PNO1: variants seen among roughly 807,000 people sequenced by gnomAD.
The protein encoded by PNO1 is RNA-binding protein PNO1.
A neutral mutation model predicts 28.4 loss-of-function variants in PNO1; 16 were observed. That is an observed-to-expected ratio of 0.56 (90% confidence interval 0.38 to 0.85). The LOEUF is 0.85. Ranked by LOEUF, PNO1 falls within the 40% of genes least tolerant of loss-of-function variation. PNO1 has a pLI of 0.00. For missense variants in PNO1, 304 were observed against 312.2 expected (o/e 0.97, Z 0.20); for synonymous variants, 115 against 110.8 (o/e 1.04, Z -0.24).
At chr2:68,161,838 AT>A in intron 3 of PNO1, 72 bp downstream of exon 3, 1 of 1,020,002 alleles carries the variant, frequency 9.8e-7, no homozygotes, top group African/African-American at 1.6e-5. Context: ...TGGATTAGGC[AT>A]TAAAAAAAAA....
At position 68,175,025 on chromosome 2, in the gene PNO1, A is replaced by T. The variant is rs1674238949; in HGVS notation, c.*223A>T. On this transcript the variant is annotated 3_prime_UTR_variant, in exon 7 of 7. Coordinates refer to ENST00000263657, the MANE Select transcript of PNO1 (RefSeq NM_020143.4). ...TCAAAAATTGATTGTTATACTTAAC[A>T]CATTAGGTATAATTTATCATTTATC... is the stretch of plus-strand genomic sequence containing the variant. 2 of 431,930 alleles carry T rather than the reference A, an allele frequency of 4.6e-6. No individual in the cohort carries two copies. The highest frequency in any genetic ancestry group is 9.1e-5 in the South Asian group (2 of 21,910). The allele number at this position is 431,930 out of a possible 1,614,324, so 26.8% of individuals were successfully genotyped here. A position where few individuals can be genotyped will look rare whatever the true frequency, so the allele number is the denominator to read the frequency against.
Position 68,158,149 on chromosome 2 carries a change from G to T in PNO1, c.207+8G>T. 1 of 1,587,764 alleles carries T rather than the reference G, an allele frequency of 6.3e-7. No homozygotes were observed. Among genetic ancestry groups the T allele is most frequent in the Non-Finnish European group, 8.6e-7 (1 of 1,166,542 alleles). On this transcript the variant is annotated splice_region_variant and intron_variant, in intron 1 of 6. Transcript: ENST00000263657. ...TGTGGGGACGGGCTCCTGGTATGTG[G>T]CTGGGACCCTAGGACAGCAACGAGG...
chr2:68,158,560 A>C (rs758513394), intron 2 of PNO1, 31 bp downstream of exon 2: 3 of 1,590,308 alleles, frequency 1.9e-6, no homozygotes, highest in South Asian at 2.3e-5. Context: ...TTCCCAATAC[A>C]CCAGGCTTTC....
Position 68,162,307 on chromosome 2 carries a change from T to G in PNO1, c.484T>G (p.Ser162Ala), listed in dbSNP as rs754216942. 3.7e-6 allele frequency: 6 copies of G among 1,612,550 alleles called. No individual in the cohort carries two copies. The highest frequency in any genetic ancestry group is 5.1e-6 in the Non-Finnish European group (6 of 1,178,944). ...CAGGTTGGATGACCTCTTCCTAGAG[T>G]CTTTTGAAATTACAGATGGTGAGTG... ...LIRLDDLFLE[S>A]FEITDVKPLK... Residue 162 changes from serine (S) to alanine (A), a missense_variant, in exon 4 of 7, where the codon TCT becomes GCT. By Grantham distance (99) the Ser-to-Ala change is moderately conservative. Coordinates refer to ENST00000263657, the MANE Select transcript of PNO1 (RefSeq NM_020143.4).
intron 5 of PNO1, 178 bp from the exon 6 acceptor site, chr2:68,173,169 C>T: frequency 5.4e-6 from 2 of 368,562 alleles, no homozygotes; most frequent in South Asian, 5.4e-5. Context: ...GCACGTGCTA[C>T]TACACCCAGC....
At chr2:68,173,975 G>A (rs974137261) in intron 6 of PNO1, among the ~76,000 whole-genome samples, 2 of 152,204 alleles carry the variant, frequency 1.3e-5, no homozygotes, top group African/African-American at 4.8e-5. Context: ...CTGCCTTCTT[G>A]ATAAGGTGCA....
At position 68,175,570 on chromosome 2, in the gene PNO1, G is replaced by GAAT. The variant is rs746161004; in HGVS notation, c.*770_*772dup. Reference sequence around the variant, plus strand: ...GCCACTGCGCCTGGCCTTGATGTGTGAATATTTGAGAGGTCATAAGCAGTG... The same window carrying GAAT: ...GCCACTGCGCCTGGCCTTGATGTGTGAATAATATTTGAGAGGTCATAAGCAGTG... On this transcript the variant is annotated 3_prime_UTR_variant, in exon 7 of 7. Coordinates refer to ENST00000263657, the MANE Select transcript of PNO1 (RefSeq NM_020143.4). 6 of 152,148 alleles carry GAAT rather than the reference G, an allele frequency of 3.9e-5. No homozygotes were observed. Among genetic ancestry groups the GAAT allele is most frequent in the Non-Finnish European group, 7.3e-5 (5 of 68,054 alleles). The allele number at this position is 152,148 out of a possible 1,614,324, so 9.4% of individuals were successfully genotyped here. A position where few individuals can be genotyped will look rare whatever the true frequency, so the allele number is the denominator to read the frequency against.
Position 68,165,389 on chromosome 2 carries a change from A to AAC in PNO1, c.620+2727_620+2728insCA, listed in dbSNP as rs1673962816. On this transcript the variant is annotated intron_variant, in intron 5 of 6. Coordinates refer to ENST00000263657, the MANE Select transcript of PNO1 (RefSeq NM_020143.4). ...AAAAAAAAAAAAAAAACAACAAAAA[A>AAC]AAAAAAACTAGCTGGGTGTGGTGGC... 1.5e-5 allele frequency among the ~76,000 whole-genome samples: 2 copies of AAC among 133,276 alleles called. 1 individual carries two copies. The highest frequency in any genetic ancestry group is 5.7e-5 in the African/African-American group (2 of 35,002). The allele number at this position is 133,276 out of a possible 152,430, so 87.4% of individuals were successfully genotyped here. A position where few individuals can be genotyped will look rare whatever the true frequency, so the allele number is the denominator to read the frequency against.
chr2:68,171,935 A>C (rs1440651211), intron 5 of PNO1, among the ~76,000 whole-genome samples: 1 of 152,056 alleles, frequency 6.6e-6, no homozygotes, highest in Non-Finnish European at 1.5e-5. Flanking sequence ...GAGTGGAATG[A>C]CAGAAAGTGG....
chr2:68,160,374 G>A (rs908566683), intron 2 of PNO1, among the ~76,000 whole-genome samples: 7 of 152,132 alleles, frequency 4.6e-5, no homozygotes, highest in African/African-American at 1.7e-4. Context: ...CTTTTTGGTG[G>A]CTTTGGCCTT....
intron 4 of PNO1, 68 bp from the exon 5 acceptor site, chr2:68,162,477 TA>T: frequency 8.4e-7 from 1 of 1,197,604 alleles, no homozygotes; most frequent in East Asian, 2.3e-5. Context: ...AGTTTATGAT[TA>T]AACTTTATGT....
intron 2 of PNO1, among the ~76,000 whole-genome samples, chr2:68,158,932 A>G (rs2103662735): frequency 6.6e-6 from 1 of 152,384 alleles, no homozygotes; most frequent in South Asian, 2.1e-4. Flanking sequence ...CAGATGACTT[A>G]GTCCTTGTGC....
At position 68,158,135 on chromosome 2, in the gene PNO1, G is replaced by C; in HGVS notation, c.201G>C (p.Gly67=). The C allele has an allele frequency of 1.9e-6, 3 of 1,598,234 alleles. No individual in the cohort carries two copies. Among genetic ancestry groups the C allele is most frequent in the Non-Finnish European group, 2.6e-6 (3 of 1,171,994 alleles). Residue 67 remains glycine, a synonymous_variant, in exon 1 of 7, where the codon GGG becomes GGC. Transcript: ENST00000263657. The part of the protein sequence containing the change: ...RPVFPPLCGD[G]LLSGKEETRK... ...TCTTCCCACCCCTCTGTGGGGACGG[G>C]CTCCTGGTATGTGGCTGGGACCCTA...
At chr2:68,168,785 C>A (rs965191366) in intron 5 of PNO1, among the ~76,000 whole-genome samples, 8 of 152,060 alleles carry the variant, frequency 5.3e-5, no homozygotes, top group Non-Finnish European at 7.4e-5. Context: ...GCTGTTATAG[C>A]TGCAGTGACA....
intron 2 of PNO1, among the ~76,000 whole-genome samples, chr2:68,161,024 C>T (rs115176565): frequency 0.017 from 2,616 of 152,264 alleles, 45 homozygotes; most frequent in South Asian, 0.056. Context: ...TCCTCACATA[C>T]GAAGGTAGTC....
chr2:68,165,902 T>G (rs1246733043), intron 5 of PNO1, among the ~76,000 whole-genome samples: 1 of 152,190 alleles, frequency 6.6e-6, no homozygotes, highest in African/African-American at 2.4e-5. Context: ...TTGGCAAATG[T>G]ATATTGTAGT....
chr2:68,158,000 G>C lies in PNO1; in HGVS notation c.66G>C (p.Lys22Asn), dbSNP rs772462970. 5.6e-6 allele frequency: 9 copies of C among 1,614,174 alleles called. No individual in the cohort carries two copies. The South Asian group carries it at 9.9e-5, about 18-fold the overall frequency. ...AEEGFTQVTR[K>N]GGRRAKKRQA... ...AGGGCTTTACCCAGGTCACCCGCAA[G>C]GGTGGCCGACGGGCGAAGAAACGAC... Residue 22 changes from lysine (K) to asparagine (N), a missense_variant, in exon 1 of 7, where the codon AAG becomes AAC. By Grantham distance (94) the Lys-to-Asn change is moderately conservative. Transcript: ENST00000263657.
In PNO1 at chr2:68,157,931, G is replaced by C; in HGVS notation, c.-4G>C. 5.0e-6 allele frequency: 8 copies of C among 1,613,566 alleles called. No homozygotes were observed. Among genetic ancestry groups the C allele is most frequent in the Non-Finnish European group, 6.8e-6 (8 of 1,179,726 alleles). On this transcript the variant is annotated 5_prime_UTR_variant, in exon 1 of 7. Transcript: ENST00000263657. ...CAGCCGGCAGCGCTTTAAGATTTCC[G>C]GGGATGGAATCCGAAATGGAAACGC...
chr2:68,158,037 C>T lies in PNO1; in HGVS notation c.103C>T (p.Leu35=). The stretch of plus-strand genomic sequence containing the variant: ...GGCGAAGAAACGACAGGCTGAACAG[C>T]TGTCCGCAGCAGGAGAGGGCGGGGA... ...RRAKKRQAEQ[L]SAAGEGGDAG... The change falls in exon 1 of 7, where the codon CTG becomes TTG. Residue 35 remains leucine (L), a synonymous_variant. Transcript: ENST00000263657. 6.2e-7 allele frequency: 1 copy of T among 1,614,112 alleles called. No homozygotes were observed. Among genetic ancestry groups the T allele is most frequent in the East Asian group, 2.2e-5 (1 of 44,878 alleles).
Sources: allele counts gnomAD v4.1 joint callset (sites outside exome capture counted in the v4.1 genomes callset), GRCh38; gene constraint gnomAD v4.1.1; transcripts MANE v1.5; gene names NCBI Gene and HGNC (gene_info 2026-07-23, HGNC 2026-07-21).